Variants in AEBP2 observed in about 807,000 individuals in gnomAD.
AEBP2 encodes AE binding protein 2, also known as zinc finger protein AEBP2.
In AEBP2, 10 loss-of-function variants were observed where a neutral mutation model predicts 50.8. The ratio of observed to expected loss-of-function variants is 0.20; its 90% CI spans 0.12 to 0.33. The LOEUF (loss-of-function observed/expected upper bound fraction) is 0.33, where lower values mean the gene tolerates loss of function less well. Among genes scored for constraint, AEBP2 ranks in the 10% least tolerant of loss-of-function variants. The pLI, the probability that AEBP2 is intolerant of heterozygous loss-of-function variation, is 1.00. For synonymous variants in AEBP2, 296 were observed against 261.3 expected, an observed-to-expected ratio of 1.13 and a Z score of -1.28; for missense variants, 570 against 688.0, an observed-to-expected ratio of 0.83 and a Z score of 1.92.
chr12:19,432,854 C>G (rs2095752120), intron 1 of AEBP2, among the ~76,000 whole-genome samples: 1 of 152,102 alleles, frequency 6.6e-6, no homozygotes, highest in Non-Finnish European at 1.5e-5. Flanking sequence ...GATGTCCTGA[C>G]TACCTTAGTA....
chr12:19,481,092 CTTTTTTTTTTTT>C (rs71067027), intron 3 of AEBP2, among the ~76,000 whole-genome samples: 6 of 74,050 alleles, frequency 8.1e-5, no homozygotes, highest in South Asian at 6.8e-4. Context: ...GCAGTGCATC[CTTTTTTTTTTTT>C]TTTTTTTTTT....
chr12:19,501,331 CAAAAAAA>C (rs568690588), intron 5 of AEBP2, among the ~76,000 whole-genome samples: 2 of 82,196 alleles, frequency 2.4e-5, no homozygotes, highest in South Asian at 8.2e-4. Context: ...AACTCCATCT[CAAAAAAA>C]AAAAAAAAAA....
At chr12:19,486,935 G>A (rs1004846031) in intron 3 of AEBP2, among the ~76,000 whole-genome samples, 4 of 152,070 alleles carry the variant, frequency 2.6e-5, no homozygotes, top group African/African-American at 9.7e-5. Context: ...TGGGATTACA[G>A]GCATCTACCG....
At chr12:19,461,713 G>A (rs1482403072) in intron 1 of AEBP2, among the ~76,000 whole-genome samples, 2 of 152,036 alleles carry the variant, frequency 1.3e-5, no homozygotes, top group Non-Finnish European at 2.9e-5. Context: ...ATTTCACCAT[G>A]TTGGCCAGGC....
At chr12:19,415,773 G>A (rs2095742248) in intron 1 of AEBP2, among the ~76,000 whole-genome samples, 1 of 152,084 alleles carries the variant, frequency 6.6e-6, no homozygotes, top group Admixed American at 6.6e-5. Flanking sequence ...CTAGAGGCCT[G>A]TAACCCACAC....
intron 1 of AEBP2, among the ~76,000 whole-genome samples, chr12:19,415,905 C>T (rs1251260430): frequency 6.6e-6 from 1 of 151,984 alleles, no homozygotes; most frequent in Non-Finnish European, 1.5e-5. Context: ...CTTGAAATTT[C>T]TGGCCAGGTG....
At chr12:19,478,593 G>C (rs1232836247) in intron 3 of AEBP2, among the ~76,000 whole-genome samples, 1 of 152,156 alleles carries the variant, frequency 6.6e-6, no homozygotes, top group African/African-American at 2.4e-5. Context: ...CCTGGCATTT[G>C]ATGTAGGCAT....
rs543728686 is a variant in AEBP2, at chr12:19,439,708, C to T, written c.9C>T (p.Ala3=). 2.6e-6 allele frequency: 4 copies of T among 1,515,618 alleles called. No individual in the cohort carries two copies. Among genetic ancestry groups the T allele is most frequent in the Admixed American group, 4.0e-5 (2 of 49,904 alleles). 93.9% of individuals were successfully genotyped at this position (1,515,618 alleles called of 1,614,324 possible). ...GAGGAGCAGGCGCCGCCATGGCCGC[C>T]GCTATCACCGACATGGCCGACCTGG... MA[A]AITDMADLEE... The change falls in exon 1 of 8, where the codon GCC becomes GCT. Residue 3 remains alanine (A), a synonymous_variant. Coordinates refer to ENST00000266508, the MANE Select transcript of AEBP2 (RefSeq NM_153207.5).
chr12:19,460,716 G>T (rs1320824041), intron 1 of AEBP2, among the ~76,000 whole-genome samples: 1 of 147,468 alleles, frequency 6.8e-6, no homozygotes, highest in Non-Finnish European at 1.5e-5. Context: ...GTCCAGTGCC[G>T]CTATCTCTGC....
In AEBP2 at chr12:19,493,943, G is replaced by T. The variant is rs556015914; in HGVS notation, c.1131G>T (p.Met377Ile). The change falls in exon 4 of 8, where the codon ATG (methionine) becomes ATT (isoleucine). Residue 377 changes from methionine to isoleucine, a missense_variant. Met to Ile is a conservative substitution (Grantham distance 10). This residue lies in a region of AEBP2 where 184 missense variants were observed against 351.2 expected (regional missense o/e 0.52). Transcript: ENST00000266508. ...AAGAATCTCCTTCTAAAGCTGGAATGAACAAAAGGAGGAAATTAAAGAACA... is the reference window on the plus strand; with the variant it reads ...AAGAATCTCCTTCTAAAGCTGGAATTAACAAAAGGAGGAAATTAAAGAACA... ...AKEESPSKAGMNKRRKLKNKR... is the reference protein window; with the variant it reads ...AKEESPSKAGINKRRKLKNKR... 4 of 1,612,460 alleles carry T rather than the reference G, an allele frequency of 2.5e-6. No individual in the cohort carries two copies. Among genetic ancestry groups the T allele is most frequent in the South Asian group, 1.1e-5 (1 of 90,792 alleles).
At chr12:19,421,438 A>G (rs899076640) in intron 1 of AEBP2, among the ~76,000 whole-genome samples, 1 of 151,346 alleles carries the variant, frequency 6.6e-6, no homozygotes, top group Non-Finnish European at 1.5e-5. Flanking sequence ...GATTGCTTGA[A>G]CCCTGGAGTT....
At chr12:19,474,122 A>G (rs1948613784) in intron 3 of AEBP2, among the ~76,000 whole-genome samples, 1 of 152,206 alleles carries the variant, frequency 6.6e-6, no homozygotes, top group Non-Finnish European at 1.5e-5. Context: ...GCTTAGTTGT[A>G]ATTAGTTGTA....
At chr12:19,408,982 C>T (rs866605303) in intron 1 of AEBP2, among the ~76,000 whole-genome samples, 1 of 151,582 alleles carries the variant, frequency 6.6e-6, no homozygotes, top group Non-Finnish European at 1.5e-5. Flanking sequence ...GTTTCTTTTC[C>T]GGAAGATATA....
At chr12:19,483,398 TTC>T (rs1948759094) in intron 3 of AEBP2, among the ~76,000 whole-genome samples, 1 of 152,188 alleles carries the variant, frequency 6.6e-6, no homozygotes, top group Non-Finnish European at 1.5e-5. Flanking sequence ...GAGGCAGGTT[TTC>T]TCTCTCTTAC....
chr12:19,475,138 G>T (rs1948628602), intron 3 of AEBP2, among the ~76,000 whole-genome samples: 1 of 151,144 alleles, frequency 6.6e-6, no homozygotes, highest in Admixed American at 6.6e-5. Flanking sequence ...AAATTCCTTA[G>T]TGGTGATTTC....
chr12:19,435,390 C>T (rs546583986), upstream of AEBP2, among the ~76,000 whole-genome samples: 12 of 151,876 alleles, frequency 7.9e-5, no homozygotes, highest in East Asian at 2.1e-3. Context: ...AAGTGATTCT[C>T]CTGTGCCTGG....
At chr12:19,411,558 G>A (rs1038164154) in intron 1 of AEBP2, among the ~76,000 whole-genome samples, 7 of 144,528 alleles carry the variant, frequency 4.8e-5, no homozygotes, top group Admixed American at 1.3e-4. Context: ...CTGCTTCTTA[G>A]AGTTGGGAGG....
intron 7 of AEBP2, among the ~76,000 whole-genome samples, chr12:19,516,549 G>C (rs1386003019): frequency 1.3e-5 from 2 of 152,116 alleles, no homozygotes; most frequent in Non-Finnish European, 2.9e-5. Flanking sequence ...ACATTTTAGT[G>C]AAAGTGACTT....
intron 3 of AEBP2, among the ~76,000 whole-genome samples, chr12:19,474,692 T>A (rs1431197567): frequency 6.6e-6 from 1 of 152,130 alleles, no homozygotes; most frequent in Non-Finnish European, 1.5e-5. Context: ...CACAGATTAC[T>A]TGTTTTTCTA....
Sources: allele counts gnomAD v4.1 joint callset (sites outside exome capture counted in the v4.1 genomes callset), GRCh38; gene constraint gnomAD v4.1.1; regional missense constraint gnomAD v4.1.1; transcripts MANE v1.5; gene names NCBI Gene and HGNC (gene_info 2026-07-23, HGNC 2026-07-21).